The following ADGRD1 variants were observed in gnomAD, a reference collection of about 807,000 sequenced individuals.
The protein encoded by ADGRD1 is G-protein coupled receptor 133.
ADGRD1 carries 77 observed loss-of-function variants against 113.4 expected under a neutral mutation model. That is an observed-to-expected ratio of 0.68 (90% CI 0.57 to 0.82). The LOEUF (loss-of-function observed/expected upper bound fraction) is 0.82. ADGRD1 is among the 40% of genes least tolerant of loss of function. The probability of loss-of-function intolerance (pLI) is 0.00; values close to 1 mark genes in which losing one functional copy is unlikely to be tolerated. For synonymous variants in ADGRD1, 474 were observed against 475.0 expected (o/e 1.00, Z 0.03); for missense variants, 1,036 against 1,139.1 (o/e 0.91, Z 1.30).
At chr12:131,015,835 T>C (rs1037073612) in intron 13 of ADGRD1, among the ~76,000 whole-genome samples, 5 of 152,214 alleles carry the variant, frequency 3.3e-5, no homozygotes, top group Non-Finnish European at 7.3e-5. Flanking sequence ...GTCTGCTCCA[T>C]TCTCCCCACA....
At chr12:131,071,433 CCATGTGAGTGGGAAGGTGT>C (rs1275793577) in intron 13 of ADGRD1, among the ~76,000 whole-genome samples, 1 of 152,056 alleles carries the variant, frequency 6.6e-6, no homozygotes, top group Non-Finnish European at 1.5e-5. Flanking sequence ...AGAAGAGGAG[CCATGTGAGTGGGAAGGTGT>C]CATGTGAGTG....
intron 15 of ADGRD1, among the ~76,000 whole-genome samples, chr12:131,103,795 C>T (rs971853468): frequency 7.9e-5 from 12 of 152,224 alleles, no homozygotes; most frequent in African/African-American, 2.6e-4. Flanking sequence ...GCCTCAGTGC[C>T]GGACAGGGAC....
chr12:131,082,004 A>G (rs1351826768), intron 14 of ADGRD1, among the ~76,000 whole-genome samples: 3 of 152,102 alleles, frequency 2.0e-5, no homozygotes, highest in Admixed American at 2.0e-4. Flanking sequence ...GTTCCCTTTG[A>G]TCTTTACCTC....
intron 2 of ADGRD1, among the ~76,000 whole-genome samples, chr12:130,961,991 G>A (rs1326895137): frequency 2.6e-5 from 4 of 152,186 alleles, no homozygotes; most frequent in East Asian, 1.9e-4. Flanking sequence ...CCTGCCCTAC[G>A]ACTGCAGTGG....
intron 18 of ADGRD1, among the ~76,000 whole-genome samples, chr12:131,115,346 G>A (rs1950438888): frequency 6.6e-6 from 1 of 152,160 alleles, no homozygotes; most frequent in African/African-American, 2.4e-5. Context: ...ACACAACTCA[G>A]TGCCCAGAAC....
chr12:130,999,567 T>G (rs1001380164), intron 8 of ADGRD1, among the ~76,000 whole-genome samples: 1 of 152,180 alleles, frequency 6.6e-6, no homozygotes, highest in Non-Finnish European at 1.5e-5. Flanking sequence ...GGTGGAAATA[T>G]GGGAGAGTTC....
intron 21 of ADGRD1, among the ~76,000 whole-genome samples, chr12:131,134,938 C>G (rs901562759): frequency 6.6e-6 from 1 of 152,240 alleles, no homozygotes; most frequent in Non-Finnish European, 1.5e-5. Flanking sequence ...GAGACAATCT[C>G]AGTCACTGGC....
intron 3 of ADGRD1, chr12:130,967,004 T>C (rs1295562251): frequency 2.2e-6 from 1 of 455,470 alleles, no homozygotes; most frequent in Non-Finnish European, 4.4e-6. Context: ...GATTAAAATG[T>C]GCATTTTCCC....
chr12:131,032,186 C>T (rs1880845593), intron 13 of ADGRD1, among the ~76,000 whole-genome samples: 3 of 152,108 alleles, frequency 2.0e-5, no homozygotes, highest in Admixed American at 2.0e-4. Context: ...CTACTGAAGC[C>T]CTCTCCTAGG....
At position 131,060,015 on chromosome 12, in the gene ADGRD1, C is replaced by G. The variant is rs1436138145; in HGVS notation, c.1474-16786C>G. Among the ~76,000 whole-genome samples the G allele has an allele frequency of 6.6e-6, 1 of 152,238 alleles. No individual in the cohort carries two copies. Among genetic ancestry groups the G allele is most frequent in the African/African-American group, 2.4e-5 (1 of 41,468 alleles). On this transcript the variant is annotated intron_variant, in intron 13 of 24. Transcript: ENST00000261654. The surrounding 1 kb of genome is among the most constrained non-coding windows in gnomAD (Gnocchi z 4.4). ...TCTTATTTAAATCTGTTTTAGCAGT[C>G]CTTCTCTGATACCCACCACTGGGAA...
At chr12:130,963,828 C>A (rs1593262467) in intron 2 of ADGRD1, among the ~76,000 whole-genome samples, 1 of 152,146 alleles carries the variant, frequency 6.6e-6, no homozygotes, top group Non-Finnish European at 1.5e-5. Context: ...ATTACTAGAT[C>A]AAAGGGAATG....
chr12:131,012,033 C>G (rs749096382), intron 12 of ADGRD1, among the ~76,000 whole-genome samples: 1 of 152,164 alleles, frequency 6.6e-6, no homozygotes, highest in Non-Finnish European at 1.5e-5. Flanking sequence ...CACGCATGCC[C>G]AGTGGTGAAT....
intron 14 of ADGRD1, among the ~76,000 whole-genome samples, chr12:131,080,811 G>A (rs1011095906): frequency 1.5e-4 from 23 of 151,708 alleles, no homozygotes; most frequent in African/African-American, 1.5e-4. Flanking sequence ...TAGTAGAGAC[G>A]GGGTTTCACC....
chr12:130,994,722 C>G (rs771781658), intron 8 of ADGRD1, among the ~76,000 whole-genome samples: 34 of 152,230 alleles, frequency 2.2e-4, no homozygotes, highest in Non-Finnish European at 4.6e-4. Context: ...CAGTTGCATG[C>G]TCATGAGTGG....
At position 131,076,857 on chromosome 12, in the gene ADGRD1, C is replaced by T. The variant is rs149379586; in HGVS notation, c.1530C>T (p.Cys510=). 91 of 1,614,002 alleles carry T rather than the reference C, an allele frequency of 5.6e-5. No individual in the cohort carries two copies. The highest frequency in any genetic ancestry group is 4.5e-4 in the South Asian group (41 of 91,082). Residue 510 remains cysteine, a synonymous_variant, in exon 14 of 25, where the codon TGC becomes TGT. Coordinates refer to ENST00000261654, the MANE Select transcript of ADGRD1 (RefSeq NM_198827.5). ...GCAGCAACCGAGTCTTCGTGTACTG[C>T]GCCTTCCTGGACTTCAGGTACCCTC... ...TNSSNRVFVY[C]AFLDFSSGEG...
rs1312676323 is a variant in ADGRD1 at position 131,048,985 on chromosome 12, G to C, written c.1474-27816G>C. Among the ~76,000 whole-genome samples the C allele has an allele frequency of 2.6e-5, 4 of 152,356 alleles. No individual in the cohort carries two copies. In the East Asian group the frequency reaches 5.8e-4, roughly 22 times the overall value. On this transcript the variant is annotated intron_variant, in intron 13 of 24. Coordinates refer to ENST00000261654, the MANE Select transcript of ADGRD1 (RefSeq NM_198827.5). ...AGAATGGGTTTTAAGGGATGGGAGA[G>C]AGAGAGAGAGGGTGAGAATGGGTTT...
intron 4 of ADGRD1, among the ~76,000 whole-genome samples, chr12:130,975,885 T>C (rs79616891): frequency 0.029 from 4,464 of 152,282 alleles, 121 homozygotes; most frequent in African/African-American, 0.067. Context: ...CTCCTGTGAA[T>C]GGCTTTGGCA....
At chr12:131,066,047 T>TA (rs1884694229) in intron 13 of ADGRD1, among the ~76,000 whole-genome samples, 1 of 152,026 alleles carries the variant, frequency 6.6e-6, no homozygotes, top group South Asian at 2.1e-4. Flanking sequence ...GGTTAAACCT[T>TA]AGAGCCCCAG....
intron 13 of ADGRD1, among the ~76,000 whole-genome samples, chr12:131,056,045 T>G (rs1593133082): frequency 6.6e-6 from 1 of 152,244 alleles, no homozygotes; most frequent in Non-Finnish European, 1.5e-5. Flanking sequence ...GCTCCTGATA[T>G]GGTCCCCTGG....
Sources: allele counts gnomAD v4.1 joint callset (sites outside exome capture counted in the v4.1 genomes callset), GRCh38; gene constraint gnomAD v4.1.1; non-coding constraint Gnocchi (gnomAD v3.1); transcripts MANE v1.5; gene names NCBI Gene and HGNC (gene_info 2026-07-23, HGNC 2026-07-21).